NCKIPSD: variants seen among roughly 807,000 people sequenced by gnomAD.
The protein encoded by NCKIPSD is NCK-interacting protein with SH3 domain.
Under a neutral mutation model 73.4 loss-of-function variants are expected in NCKIPSD, and 48 were observed. The ratio of observed to expected loss-of-function variants is 0.65; its 90% CI spans 0.52 to 0.83. The LOEUF (loss-of-function observed/expected upper bound fraction) is 0.83. Among genes scored for constraint, NCKIPSD ranks in the 40% least tolerant of loss-of-function variants. The pLI, the probability that NCKIPSD is intolerant of heterozygous loss-of-function variation, is 0.00. For synonymous variants in NCKIPSD, 422 were observed against 403.6 expected, an observed-to-expected ratio of 1.05 and a Z score of -0.54; for missense variants, 884 against 970.2, an observed-to-expected ratio of 0.91 and a Z score of 1.18.
chr3:48,682,649 C>T, intron 2 of NCKIPSD, 97 bp from the exon 3 acceptor site: 1 of 1,370,142 alleles, frequency 7.3e-7, no homozygotes, highest in African/African-American at 1.4e-5. Flanking sequence ...AGCCCAGGCC[C>T]CTCAGACATC....
At chr3:48,680,367 G>A (rs768238694) in intron 5 of NCKIPSD, 138 bp from the exon 6 acceptor site, 1 of 980,662 alleles carries the variant, frequency 1.0e-6, no homozygotes, top group East Asian at 2.7e-5. Context: ...CTGGACAGGA[G>A]GCTCAACTCC....
intron 12 of NCKIPSD, 112 bp downstream of exon 12, chr3:48,678,452 C>T: frequency 7.4e-7 from 1 of 1,358,928 alleles, no homozygotes; most frequent in Non-Finnish European, 9.8e-7. Context: ...CCTACACTTA[C>T]CTGGCTCCAG....
chr3:48,682,597 C>T, intron 2 of NCKIPSD, 45 bp from the exon 3 acceptor site: 1 of 1,597,302 alleles, frequency 6.3e-7, no homozygotes, highest in Non-Finnish European at 8.6e-7. Flanking sequence ...CATCTCACAG[C>T]TCAAAGTCCT....
At chr3:48,684,013 CACACACAG>C (rs1466512144) in intron 1 of NCKIPSD, among the ~76,000 whole-genome samples, 8 of 150,028 alleles carry the variant, frequency 5.3e-5, no homozygotes, top group Non-Finnish European at 1.0e-4. Flanking sequence ...CACACACACA[CACACACAG>C]AGAGAGAGAG....
chr3:48,674,777 C>T (rs756182054), intron 12 of NCKIPSD, 30 bp from the exon 13 acceptor site: 4 of 1,609,102 alleles, frequency 2.5e-6, no homozygotes. Context: ...GCTCAGGGAC[C>T]CCAGGGAGGT....
rs1303219574 is a variant in NCKIPSD at position 48,681,741 on chromosome 3, GAC to G, written c.636_637del (p.Ser213GlnfsTer21). On this transcript the variant is annotated frameshift_variant, in exon 5 of 13. Transcript: ENST00000294129. LOFTEE classifies it high-confidence loss of function. The stretch of plus-strand genomic sequence containing the variant: ...GGTGCTGCTGACTGAGGAGCCGCTG[GAC>G]ACAGAGTTACCCCCGGAGGGCATGG... 2.0e-6 allele frequency: 3 copies of G among 1,531,456 alleles called. No individual in the cohort carries two copies. Among genetic ancestry groups the G allele is most frequent in the Non-Finnish European group, 2.6e-6 (3 of 1,140,464 alleles). 94.9% of individuals were successfully genotyped at this position (1,531,456 alleles called of 1,614,324 possible).
chr3:48,679,134 A>G lies in NCKIPSD; in HGVS notation c.1620T>C (p.Asp540=), dbSNP rs751226923. 9 of 1,614,000 alleles carry G rather than the reference A, an allele frequency of 5.6e-6. No homozygotes were observed. In the South Asian group the frequency reaches 7.7e-5, roughly 14 times the overall value. ...GCTCTGTGGTGTCCAAGGGCAGCCC[A>G]TCCTCGACGATGTTCAGTAGGAACT... ...FAQFLLNIVE[D]GLPLDTTEQL... Residue 540 remains aspartate, a synonymous_variant, in exon 10 of 13, where the codon GAT becomes GAC. Coordinates refer to ENST00000294129, the MANE Select transcript of NCKIPSD (RefSeq NM_016453.4).
intron 12 of NCKIPSD, 152 bp from the exon 13 acceptor site, chr3:48,674,899 A>G: frequency 1.3e-6 from 1 of 742,906 alleles, no homozygotes; most frequent in South Asian, 1.8e-5. Context: ...CTGGCACAGA[A>G]TTGGTCTTCA....
At position 48,678,725 on chromosome 3, in the gene NCKIPSD, G is replaced by A. The variant is rs777143509; in HGVS notation, c.1804C>T (p.Arg602Cys). Residue 602 changes from arginine to cysteine, a missense_variant, in exon 12 of 13, where the codon CGC becomes TGC. Coordinates refer to ENST00000294129, the MANE Select transcript of NCKIPSD (RefSeq NM_016453.4). ...GGCTGTGGCTCATGTTTGAAGATGC[G>A]CACAGGGTCATCTAGGAGGCAGGGG... is the stretch of plus-strand genomic sequence containing the variant. ...LLLNRGDDPV[R>C]IFKHEPQPPH... The A allele has an allele frequency of 1.4e-5, 23 of 1,613,430 alleles. No homozygotes were observed. Among genetic ancestry groups the A allele is most frequent in the Admixed American group, 6.7e-5 (4 of 59,952 alleles).
At position 48,681,742 on chromosome 3, in the gene NCKIPSD, A is replaced by G; in HGVS notation, c.637T>C (p.Ser213Pro). The G allele has an allele frequency of 6.5e-7, 1 of 1,530,448 alleles. No homozygotes were observed. Among genetic ancestry groups the G allele is most frequent in the Non-Finnish European group, 8.8e-7 (1 of 1,139,800 alleles). The allele number at this position is 1,530,448 out of a possible 1,614,324, so 94.8% of individuals were successfully genotyped here. The change falls in exon 5 of 13, where the codon TCC becomes CCC. Residue 213 changes from serine (S) to proline (P), a missense_variant. Transcript: ENST00000294129. ...NTMPSGGNSV[S>P]SGSSVSSTSL... is the part of the protein sequence containing the mutation. ...GTGCTGCTGACTGAGGAGCCGCTGG[A>G]CACAGAGTTACCCCCGGAGGGCATG...
At chr3:48,684,019 C>CACACACACACACACACACACACACAGAG (rs563262573) in intron 1 of NCKIPSD, among the ~76,000 whole-genome samples, 4 of 141,254 alleles carry the variant, frequency 2.8e-5, no homozygotes, top group African/African-American at 1.1e-4. Flanking sequence ...CACACACACA[C>CACACACACACACACACACACACACAGAG]AGAGAGAGAG....
chr3:48,680,532 T>G (rs999188378), intron 5 of NCKIPSD, among the ~76,000 whole-genome samples: 3 of 152,116 alleles, frequency 2.0e-5, no homozygotes, highest in Non-Finnish European at 1.5e-5. Context: ...GACCTCACTC[T>G]CCCATTCCAC....
intron 5 of NCKIPSD, among the ~76,000 whole-genome samples, chr3:48,680,891 T>G (rs1286240267): frequency 6.6e-6 from 1 of 152,154 alleles, no homozygotes; most frequent in Non-Finnish European, 1.5e-5. Context: ...AGCAAGGCAC[T>G]ACCCTCACCC....
At chr3:48,681,081 G>A in intron 5 of NCKIPSD, 1 of 718,790 alleles carries the variant, frequency 1.4e-6, no homozygotes, top group Non-Finnish European at 2.2e-6. Flanking sequence ...GTCCTGCCTT[G>A]TGGCCCTTGT....
Position 48,685,846 on chromosome 3 carries a change from C to G in NCKIPSD, c.-39G>C. 1.5e-6 allele frequency: 2 copies of G among 1,370,570 alleles called. No homozygotes were observed. Among genetic ancestry groups the G allele is most frequent in the Non-Finnish European group, 1.9e-6 (2 of 1,066,656 alleles). The allele number at this position is 1,370,570 out of a possible 1,614,324, so 84.9% of individuals were successfully genotyped here. The stretch of plus-strand genomic sequence containing the variant: ...GCAGGTGCAGGGAAGGTGGCAAGGG[C>G]TGCGGCGCCACAACGCCAGGCCGGG... On this transcript the variant is annotated 5_prime_UTR_variant, in exon 1 of 13. Transcript: ENST00000294129.
In NCKIPSD at chr3:48,682,039, T is replaced by G; in HGVS notation, c.598+6A>C. On this transcript the variant is annotated splice_donor_region_variant and intron_variant, in intron 4 of 12. Coordinates refer to ENST00000294129, the MANE Select transcript of NCKIPSD (RefSeq NM_016453.4). ...CACCTGAATTCCCCTAACCCTGCCT[T>G]CTTACCACTCCCAGAGGCCATCAGG... 1 of 1,599,780 alleles carries G rather than the reference T, an allele frequency of 6.3e-7. No homozygotes were observed. The highest frequency in any genetic ancestry group is 8.5e-7 in the Non-Finnish European group (1 of 1,179,492).
intron 1 of NCKIPSD, among the ~76,000 whole-genome samples, chr3:48,684,161 CAT>C (rs1159568590): frequency 2.0e-5 from 3 of 152,158 alleles, no homozygotes; most frequent in Non-Finnish European, 4.4e-5. Flanking sequence ...AAAACACACA[CAT>C]GTGGAGTCGG....
At position 48,681,284 on chromosome 3, in the gene NCKIPSD, C is replaced by A; in HGVS notation, c.1092+3G>T. On this transcript the variant is annotated splice_donor_region_variant and intron_variant, in intron 5 of 12. Coordinates refer to ENST00000294129, the MANE Select transcript of NCKIPSD (RefSeq NM_016453.4). Reference sequence around the variant, plus strand: ...GTGGCCCTGCTGTGCCGCCCACCCTCACCTTGCCCTCTACGAGTGAGAGGA... The same window carrying A: ...GTGGCCCTGCTGTGCCGCCCACCCTAACCTTGCCCTCTACGAGTGAGAGGA... 1 of 1,594,072 alleles carries A rather than the reference C, an allele frequency of 6.3e-7. No individual in the cohort carries two copies.
At chr3:48,679,952 G>C (rs1012495381) in intron 6 of NCKIPSD, 65 bp from the exon 7 acceptor site, 1 of 1,612,320 alleles carries the variant, frequency 6.2e-7, no homozygotes, top group Non-Finnish European at 8.5e-7. Context: ...GCACAAGAGA[G>C]GGCTGAGCAC....
Sources: gnomAD v4.1 joint callset for allele counts (sites outside exome capture counted in the v4.1 genomes callset) on GRCh38, gnomAD v4.1.1 for gene constraint, MANE v1.5 for transcripts, NCBI Gene and HGNC (gene_info 2026-07-23, HGNC 2026-07-21) for gene names.